The following FKBP9 variants were observed in gnomAD, a reference collection of about 807,000 sequenced individuals.
FKBP9 encodes peptidyl-prolyl cis-trans isomerase FKBP9.
A neutral mutation model predicts 55.6 loss-of-function variants in FKBP9; 27 were observed. The ratio of observed to expected loss-of-function variants is 0.49; its 90% confidence interval spans 0.36 to 0.67. The LOEUF is 0.67. FKBP9 is among the 30% of genes least tolerant of loss of function. The probability of loss-of-function intolerance (pLI) is 0.00; values close to 1 mark genes in which losing one functional copy is unlikely to be tolerated. For missense variants in FKBP9, 539 were observed against 742.8 expected (o/e 0.73, Z 3.19); for synonymous variants, 267 against 296.5 (o/e 0.90, Z 1.02).
intron 1 of FKBP9, among the ~76,000 whole-genome samples, chr7:32,973,943 C>T (rs1279121788): frequency 1.3e-5 from 2 of 151,342 alleles, no homozygotes; most frequent in Admixed American, 6.6e-5. Flanking sequence ...CCACTCTCCT[C>T]GGCCTCCCAA....
chr7:33,000,399 A>T lies in FKBP9; in HGVS notation c.1372+139A>T. On this transcript the variant is annotated intron_variant, in intron 8 of 9. Transcript: ENST00000242209. Reference sequence around the variant, plus strand: ...AGAGTGTGTGGTTTCTATTTTTAAAAAATTATTTAGTATTTTTGTTTGGAG... The same window carrying T: ...AGAGTGTGTGGTTTCTATTTTTAAATAATTATTTAGTATTTTTGTTTGGAG... The T allele has an allele frequency of 3.9e-6, 5 of 1,295,502 alleles. No homozygotes were observed. In the South Asian group the frequency reaches 8.0e-5, roughly 21 times the overall value. The allele number at this position is 1,295,502 out of a possible 1,614,324, so 80.3% of individuals were successfully genotyped here.
At chr7:33,002,068 A>G (rs1784944778) in intron 8 of FKBP9, 1 of 152,296 alleles carries the variant, frequency 6.6e-6, no homozygotes, top group Admixed American at 6.5e-5. Context: ...TTTTAGTTTT[A>G]TATATAAAAT....
chr7:32,957,517 C>T lies in FKBP9; in HGVS notation c.-57C>T, dbSNP rs552240108. 118 of 1,291,874 alleles carry T rather than the reference C, an allele frequency of 9.1e-5. No individual in the cohort carries two copies. In the African/African-American group the frequency reaches 1.7e-3, roughly 19 times the overall value. The allele number at this position is 1,291,874 out of a possible 1,614,324, so 80.0% of individuals were successfully genotyped here. A position where few individuals can be genotyped will look rare whatever the true frequency, so the allele number is the denominator to read the frequency against. ...TTGCAAACGCAGCCGAACGCCCAGGCCGACCCGTGCCGCCCGAGCGCCGCG... is the reference window on the plus strand; with the variant it reads ...TTGCAAACGCAGCCGAACGCCCAGGTCGACCCGTGCCGCCCGAGCGCCGCG... On this transcript the variant is annotated 5_prime_UTR_variant, in exon 1 of 10. Coordinates refer to ENST00000242209, the MANE Select transcript of FKBP9 (RefSeq NM_007270.5).
chr7:32,963,645 T>C, intron 1 of FKBP9: 1 of 1,461,620 alleles, frequency 6.8e-7, no homozygotes, highest in South Asian at 1.4e-5. Flanking sequence ...CAGAAAGGAG[T>C]GGGAATTTAT....
rs1232107478 is a variant in FKBP9, at chr7:32,957,735, C to A, written c.162C>A (p.Gly54=). 1.3e-6 allele frequency: 2 copies of A among 1,520,006 alleles called. No homozygotes were observed. The highest frequency in any genetic ancestry group is 8.8e-7 in the Non-Finnish European group (1 of 1,137,654). The allele number at this position is 1,520,006 out of a possible 1,614,324, so 94.2% of individuals were successfully genotyped here. A position where few individuals can be genotyped will look rare whatever the true frequency, so the allele number is the denominator to read the frequency against. Residue 54 remains glycine, a synonymous_variant, in exon 1 of 10, where the codon GGC becomes GGA. Transcript: ENST00000242209. The stretch of plus-strand genomic sequence containing the variant: ...AGTGCCCGCGCACCGTGCGCAGCGG[C>A]GACTTCGTGCGCTACCACTACGTGG... The part of the protein sequence containing the change: ...PDECPRTVRS[G]DFVRYHYVGT...
At chr7:32,993,912 T>C (rs552150988) in intron 6 of FKBP9, among the ~76,000 whole-genome samples, 167 of 152,354 alleles carry the variant, frequency 1.1e-3, no homozygotes, top group African/African-American at 3.9e-3. Flanking sequence ...ATTTTGTTGA[T>C]CAGTTCGTCT....
intron 7 of FKBP9, among the ~76,000 whole-genome samples, chr7:32,996,944 G>A (rs370022441): frequency 6.8e-6 from 1 of 148,028 alleles, no homozygotes; most frequent in Admixed American, 6.7e-5. Context: ...ACAGGCACCC[G>A]CCACCGCGCC....
rs145018288 is a variant in FKBP9, at chr7:33,006,329, G to A, written c.*978G>A. Reference sequence around the variant, plus strand: ...GACGGGGTTTCACTGTGTTGGCCAGGATGGTCTCAATCTCGACCTCGTGAT... The same window carrying A: ...GACGGGGTTTCACTGTGTTGGCCAGAATGGTCTCAATCTCGACCTCGTGAT... On this transcript the variant is annotated 3_prime_UTR_variant, in exon 10 of 10. Coordinates refer to ENST00000242209, the MANE Select transcript of FKBP9 (RefSeq NM_007270.5). 0.013 allele frequency: 2,594 copies of A among 193,490 alleles called. 33 individuals are homozygous for A. The highest frequency in any genetic ancestry group is 0.019 in the Non-Finnish European group (1,782 of 92,768). The allele number at this position is 193,490 out of a possible 1,614,324, so 12.0% of individuals were successfully genotyped here.
rs975584453 is a variant in FKBP9, at chr7:32,988,767, G to T, written c.1039+115G>T. 21 of 1,006,976 alleles carry T rather than the reference G, an allele frequency of 2.1e-5. 1 individual carries two copies. Among genetic ancestry groups the T allele is most frequent in the Non-Finnish European group, 2.9e-5 (20 of 695,264 alleles). The allele number at this position is 1,006,976 out of a possible 1,614,324, so 62.4% of individuals were successfully genotyped here. ...TTTTGAGATAGGGTCTCCCTCTGTT[G>T]AACAGGCTGGAAAGTGTAGTGTGTG... On this transcript the variant is annotated intron_variant, in intron 6 of 9. Transcript: ENST00000242209.
chr7:33,004,614 C>T (rs901094292), intron 9 of FKBP9, among the ~76,000 whole-genome samples: 1 of 152,230 alleles, frequency 6.6e-6, no homozygotes, highest in African/African-American at 2.4e-5. Context: ...CCCTTTCTCC[C>T]TTCCTTACTG....
At position 32,977,870 on chromosome 7, in the gene FKBP9, C is replaced by CATATATATATAT. The variant is rs748298046; in HGVS notation, c.703+1372_703+1383dup. Among the ~76,000 whole-genome samples, 409 of 124,616 alleles carry CATATATATATAT rather than the reference C, an allele frequency of 3.3e-3. 2 individuals are homozygous for CATATATATATAT. The highest frequency in any genetic ancestry group is 5.0e-3 in the Non-Finnish European group (314 of 63,230). 81.8% of individuals were successfully genotyped at this position (124,616 alleles called of 152,430 possible). On this transcript the variant is annotated intron_variant, in intron 4 of 9. Transcript: ENST00000242209. ...ACACTCATATATATATATACATGCC[C>CATATATATATAT]ATATATATATATGTATATATACACT...
rs1784621896 is a variant in FKBP9 at position 32,988,633 on chromosome 7, G to A, written c.1020G>A (p.Gly340=). 2 of 1,613,952 alleles carry A rather than the reference G, an allele frequency of 1.2e-6. No individual in the cohort carries two copies. Among genetic ancestry groups the A allele is most frequent in the Non-Finnish European group, 8.5e-7 (1 of 1,179,828 alleles). Reference sequence around the variant, plus strand: ...GGATTGTGGTCCCGCCTCACCTGGGGTATGGAGAGGAAGGAAGAGGTGAGC... The same window carrying A: ...GGATTGTGGTCCCGCCTCACCTGGGATATGGAGAGGAAGGAAGAGGTGAGC... ...KRRIVVPPHL[G]YGEEGRGNIP... is the part of the protein sequence containing the mutation. The change falls in exon 6 of 10, where the codon GGG becomes GGA. Residue 340 remains glycine, a synonymous_variant. Coordinates refer to ENST00000242209, the MANE Select transcript of FKBP9 (RefSeq NM_007270.5).
intron 1 of FKBP9, chr7:32,963,544 G>C (rs1351417024): frequency 3.9e-6 from 4 of 1,019,574 alleles, no homozygotes; most frequent in Non-Finnish European, 5.3e-6. Context: ...AACATTCCAG[G>C]TACTGGGATA....
At chr7:32,982,067 C>A (rs1452009070) in intron 5 of FKBP9, among the ~76,000 whole-genome samples, 1 of 147,840 alleles carries the variant, frequency 6.8e-6, no homozygotes, top group Non-Finnish European at 1.5e-5. Flanking sequence ...GTCACCCAGG[C>A]TGCAGTGCAG....
In FKBP9 at chr7:33,006,793, A is replaced by G. The variant is rs1194304930; in HGVS notation, c.*1442A>G. The G allele has an allele frequency of 4.9e-6, 1 of 203,654 alleles. No homozygotes were observed. The highest frequency in any genetic ancestry group is 2.3e-5 in the African/African-American group (1 of 43,680). The allele number at this position is 203,654 out of a possible 1,614,324, so 12.6% of individuals were successfully genotyped here. On this transcript the variant is annotated 3_prime_UTR_variant, in exon 10 of 10. Coordinates refer to ENST00000242209, the MANE Select transcript of FKBP9 (RefSeq NM_007270.5). ...TGAAGTCGTCAATGATTTCCCTTTG[A>G]AACTACTTTATTTTACTAATTTAAA...
intron 3 of FKBP9, 74 bp from the exon 4 acceptor site, chr7:32,976,280 A>G (rs1784362277): frequency 1.3e-6 from 2 of 1,592,994 alleles, no homozygotes; most frequent in Non-Finnish European, 1.7e-6. Context: ...TTTGGGTAAG[A>G]AAAACCGTAC....
Position 33,002,412 on chromosome 7 carries a change from C to T in FKBP9, c.1373-264C>T, listed in dbSNP as rs571945269. 3.3e-5 allele frequency among the ~76,000 whole-genome samples: 5 copies of T among 152,258 alleles called. No individual in the cohort carries two copies. The South Asian group carries it at 8.3e-4, about 25-fold the overall frequency. On this transcript the variant is annotated intron_variant, in intron 8 of 9. Transcript: ENST00000242209. ...CCTCCCAAAGTGCTGGAATTATAGG[C>T]GTGAGCCACCATGCCTGGCCTCTAT...
chr7:32,978,095 T>G (rs1784401420), intron 4 of FKBP9, among the ~76,000 whole-genome samples: 1 of 151,612 alleles, frequency 6.6e-6, no homozygotes, highest in South Asian at 2.1e-4. Flanking sequence ...CAGATTTTTG[T>G]ATTTTTAGTA....
At chr7:32,965,870 T>A (rs867848989) in intron 1 of FKBP9, among the ~76,000 whole-genome samples, 1 of 35,944 alleles carries the variant, frequency 2.8e-5, no homozygotes. Flanking sequence ...TATATATACA[T>A]ACATATATAT....
Sources: allele counts gnomAD v4.1 joint callset (sites outside exome capture counted in the v4.1 genomes callset), GRCh38; gene constraint gnomAD v4.1.1; transcripts MANE v1.5; gene names NCBI Gene and HGNC (gene_info 2026-07-23, HGNC 2026-07-21).